Variants in KLHDC10 observed in about 807,000 individuals in gnomAD.
KLHDC10 encodes kelch domain-containing protein 10.
Under a neutral mutation model 56.1 loss-of-function variants are expected in KLHDC10, and 24 were observed. The observed-to-expected ratio is 0.43, with a 90% CI of 0.31 to 0.60. KLHDC10 has a LOEUF of 0.60. Ranked by LOEUF, KLHDC10 falls within the 20% of genes least tolerant of loss-of-function variation. KLHDC10 has a pLI of 0.11. For synonymous variants in KLHDC10, 188 were observed against 207.1 expected, an observed-to-expected ratio of 0.91 and a Z score of 0.79; for missense variants, 349 against 567.0, an observed-to-expected ratio of 0.62 and a Z score of 3.91.
rs946015774 is a variant in KLHDC10, at chr7:130,113,387, C to T, written c.254-3058C>T. Among the ~76,000 whole-genome samples the T allele has an allele frequency of 5.3e-5, 8 of 151,128 alleles. 1 individual carries two copies. Among genetic ancestry groups the T allele is most frequent in the African/African-American group, 1.7e-4 (7 of 41,066 alleles). ...TGCTCTTGTCACCCAGGCTGGAGTG[C>T]AGTGGCACGATCTTGACTCACTGCA... On this transcript the variant is annotated intron_variant, in intron 2 of 9. Coordinates refer to ENST00000335420, the MANE Select transcript of KLHDC10 (RefSeq NM_014997.4).
chr7:130,075,053 A>C (rs1424082521), intron 1 of KLHDC10, among the ~76,000 whole-genome samples: 1 of 152,156 alleles, frequency 6.6e-6, no homozygotes, highest in East Asian at 1.9e-4. Flanking sequence ...TTTGCCTCAT[A>C]GGCCAAGAAA....
Position 130,127,417 on chromosome 7 carries a change from C to T in KLHDC10, c.945C>T (p.Ala315=). The T allele has an allele frequency of 6.2e-7, 1 of 1,613,472 alleles. No homozygotes were observed. Among genetic ancestry groups the T allele is most frequent in the East Asian group, 2.2e-5 (1 of 44,880 alleles). The part of the protein sequence containing the change: ...KPHEKIGFPA[A]RRCHSCVQIK... Reference sequence around the variant, plus strand: ...TGTGTTTGGCAGGCTTTCCTGCAGCCCGAAGGTGTCACAGTTGTGTTCAAA... The same window carrying T: ...TGTGTTTGGCAGGCTTTCCTGCAGCTCGAAGGTGTCACAGTTGTGTTCAAA... Residue 315 remains alanine (A), a synonymous_variant, in exon 8 of 10, where the codon GCC becomes GCT. Coordinates refer to ENST00000335420, the MANE Select transcript of KLHDC10 (RefSeq NM_014997.4).
Position 130,132,382 on chromosome 7 carries a change from TA to T in KLHDC10, c.*1641del, listed in dbSNP as rs1796413784. The T allele has an allele frequency of 1.3e-5, 2 of 152,192 alleles. No individual in the cohort carries two copies. Among genetic ancestry groups the T allele is most frequent in the East Asian group, 3.8e-4 (2 of 5,196 alleles). The allele number at this position is 152,192 out of a possible 1,614,324, so 9.4% of individuals were successfully genotyped here. On this transcript the variant is annotated 3_prime_UTR_variant, in exon 10 of 10. Coordinates refer to ENST00000335420, the MANE Select transcript of KLHDC10 (RefSeq NM_014997.4). The stretch of plus-strand genomic sequence containing the variant: ...TTTAAAATGACCTTTGAGCTACGGT[TA>T]AAAAGCTACCATCTGGTGTTCAGTT...
chr7:130,107,843 C>CA (rs3043725), intron 2 of KLHDC10, among the ~76,000 whole-genome samples: 12,537 of 25,762 alleles, frequency 0.49, 3,911 homozygotes, highest in Middle Eastern at 0.69. Context: ...GACTCCGTCT[C>CA]AAAAAAAAAA....
rs984932110 is a variant in KLHDC10, at chr7:130,122,321, G to C, written c.779+119G>C. 16 of 900,952 alleles carry C rather than the reference G, an allele frequency of 1.8e-5. No homozygotes were observed. In the African/African-American group the frequency reaches 2.2e-4, roughly 12 times the overall value. The allele number at this position is 900,952 out of a possible 1,614,324, so 55.8% of individuals were successfully genotyped here. On this transcript the variant is annotated intron_variant, in intron 5 of 9. Coordinates refer to ENST00000335420, the MANE Select transcript of KLHDC10 (RefSeq NM_014997.4). ...AGTTAGAATAACTAACTGGCTGTTG[G>C]ATGTTAGATCTCAGGTAAATAGTAA...
chr7:130,117,562 C>T (rs1012507731), intron 3 of KLHDC10: 1 of 171,758 alleles, frequency 5.8e-6, no homozygotes, highest in Non-Finnish European at 1.2e-5. Flanking sequence ...TCTCAAGAAA[C>T]CACTTTCACT....
chr7:130,098,615 C>T (rs1406784349), intron 2 of KLHDC10, among the ~76,000 whole-genome samples: 1 of 151,988 alleles, frequency 6.6e-6, no homozygotes, highest in Non-Finnish European at 1.5e-5. Context: ...TGCCAATTTA[C>T]CAATTTCCAA....
rs981996678 is a variant in KLHDC10, at chr7:130,070,749, G to T, written c.106G>T (p.Gly36Cys). Residue 36 changes from glycine (G) to cysteine (C), a missense_variant, in exon 1 of 10, where the codon GGT (glycine) becomes TGT (cysteine). Around this residue, in one of 2 missense-constraint regions of KLHDC10, gnomAD observed 104 missense variants for 97.0 expected, o/e 1.07. Transcript: ENST00000335420. ...CGGCGGGGGCAGTGGGGGCAGCGGG[G>T]GTCGGGGGACTGGCCAGCTCAACCG... ...GAGGGSGGSG[G>C]RGTGQLNRFV... 1.7e-5 allele frequency: 22 copies of T among 1,301,608 alleles called. No individual in the cohort carries two copies. The highest frequency in any genetic ancestry group is 2.0e-5 in the Non-Finnish European group (20 of 1,023,566). 80.6% of individuals were successfully genotyped at this position (1,301,608 alleles called of 1,614,324 possible).
intron 1 of KLHDC10, among the ~76,000 whole-genome samples, chr7:130,086,400 T>G (rs1399977054): frequency 6.6e-6 from 1 of 152,190 alleles, no homozygotes; most frequent in Non-Finnish European, 1.5e-5. Context: ...TGGAAAAACA[T>G]TACATAAACT....
intron 1 of KLHDC10, among the ~76,000 whole-genome samples, chr7:130,079,548 T>A (rs954711968): frequency 2.6e-5 from 4 of 152,226 alleles, no homozygotes; most frequent in Non-Finnish European, 1.5e-5. Context: ...ACTTACTTTG[T>A]CGTGGTGTAT....
chr7:130,129,695 T>G, intron 9 of KLHDC10, 119 bp downstream of exon 9: 1 of 904,208 alleles, frequency 1.1e-6, no homozygotes, highest in Non-Finnish European at 1.6e-6. Flanking sequence ...AATAACATAT[T>G]TTTAAAACTT....
In KLHDC10 at chr7:130,070,590, G is replaced by T. The variant is rs1795390678; in HGVS notation, c.-54G>T. On this transcript the variant is annotated 5_prime_UTR_variant, in exon 1 of 10. Transcript: ENST00000335420. ...GGAGCCCAGGAAGGAGGCTCCGCTG[G>T]TTCCGCTGGGTCAGGCGCTGACGGG... is the stretch of plus-strand genomic sequence containing the variant. The T allele has an allele frequency of 1.6e-6, 2 of 1,284,156 alleles. No homozygotes were observed. Among genetic ancestry groups the T allele is most frequent in the Non-Finnish European group, 2.0e-6 (2 of 1,011,756 alleles). The allele number at this position is 1,284,156 out of a possible 1,614,324, so 79.5% of individuals were successfully genotyped here.
At chr7:130,077,555 C>CTTTTTTTTTTTTTTTTTT (rs1374918216) in intron 1 of KLHDC10, among the ~76,000 whole-genome samples, 8 of 108,100 alleles carry the variant, frequency 7.4e-5, no homozygotes, top group Non-Finnish European at 1.5e-4. Context: ...CTTTTTCTTT[C>CTTTTTTTTTTTTTTTTTT]TTTTTTTTTT....
At chr7:130,080,822 T>C (rs1317340768) in intron 1 of KLHDC10, among the ~76,000 whole-genome samples, 1 of 152,220 alleles carries the variant, frequency 6.6e-6, no homozygotes, top group Non-Finnish European at 1.5e-5. Context: ...TTGTGCGAAT[T>C]GACCAAGGTA....
intron 1 of KLHDC10, among the ~76,000 whole-genome samples, chr7:130,090,278 A>G (rs1795752801): frequency 6.6e-6 from 1 of 151,434 alleles, no homozygotes; most frequent in Admixed American, 6.6e-5. Context: ...AGAATTGTAG[A>G]TTGATTTACA....
chr7:130,074,346 T>C (rs1469295049), intron 1 of KLHDC10, among the ~76,000 whole-genome samples: 1 of 152,194 alleles, frequency 6.6e-6, no homozygotes, highest in East Asian at 1.9e-4. Context: ...TCTGTAACAC[T>C]CATAGCATCA....
intron 8 of KLHDC10, among the ~76,000 whole-genome samples, chr7:130,128,161 C>T (rs1796337832): frequency 6.6e-6 from 1 of 152,154 alleles, no homozygotes; most frequent in Non-Finnish European, 1.5e-5. Flanking sequence ...TTATTGTGCT[C>T]CTGCTTTCTG....
At chr7:130,106,337 G>C (rs1194493161) in intron 2 of KLHDC10, among the ~76,000 whole-genome samples, 3 of 152,036 alleles carry the variant, frequency 2.0e-5, no homozygotes, top group African/African-American at 7.2e-5. Context: ...AAAAATAAAA[G>C]TTTGTTTTTC....
At chr7:130,127,316 C>T (rs1167170788) in intron 7 of KLHDC10, 88 bp from the exon 8 acceptor site, 3 of 1,029,764 alleles carry the variant, frequency 2.9e-6, no homozygotes, top group Non-Finnish European at 3.1e-6. Flanking sequence ...TTTTGAGTTA[C>T]ACGTAGTGTG....
Sources: allele counts gnomAD v4.1 joint callset (sites outside exome capture counted in the v4.1 genomes callset), GRCh38; gene constraint gnomAD v4.1.1; regional missense constraint gnomAD v4.1.1; transcripts MANE v1.5; gene names NCBI Gene and HGNC (gene_info 2026-07-23, HGNC 2026-07-21).